The following GRIN2B variants were observed in gnomAD, a reference collection of about 807,000 sequenced individuals.
GRIN2B encodes glutamate ionotropic receptor NMDA type subunit 2B, also known as glutamate receptor ionotropic, NMDA 2B.
A neutral mutation model predicts 114.5 loss-of-function variants in GRIN2B; 5 were observed. The ratio of observed to expected loss-of-function variants is 0.04; its 90% CI spans 0.02 to 0.09. The LOEUF (loss-of-function observed/expected upper bound fraction) is 0.09. Among genes scored for constraint, GRIN2B ranks in the 10% least tolerant of loss-of-function variants. The probability of loss-of-function intolerance (pLI) is 1.00; values close to 1 mark genes in which losing one functional copy is unlikely to be tolerated. For missense variants in GRIN2B, 1,108 were observed against 1,943.5 expected (o/e 0.57, Z 8.08); for synonymous variants, 787 against 745.1 (o/e 1.06, Z -0.92).
intron 5 of GRIN2B, among the ~76,000 whole-genome samples, chr12:13,630,182 T>C (rs2136496269): frequency 6.6e-6 from 1 of 152,358 alleles, no homozygotes; most frequent in African/African-American, 2.4e-5. Flanking sequence ...AAGGGGAACC[T>C]GCTCCTGGCA....
chr12:13,709,727 G>A (rs761266751), intron 4 of GRIN2B, among the ~76,000 whole-genome samples: 2 of 151,932 alleles, frequency 1.3e-5, no homozygotes, highest in East Asian at 1.9e-4. Context: ...ACGAAGTCCC[G>A]GCAGGTATTA....
chr12:13,720,106 T>G (rs1037013974), intron 4 of GRIN2B, among the ~76,000 whole-genome samples: 1 of 151,904 alleles, frequency 6.6e-6, no homozygotes, highest in Non-Finnish European at 1.5e-5. Context: ...CCTGGGCTAA[T>G]GGAGATGTAG....
At chr12:13,570,421 G>C (rs1948691196) in intron 11 of GRIN2B, among the ~76,000 whole-genome samples, 1 of 152,196 alleles carries the variant, frequency 6.6e-6, no homozygotes, top group Non-Finnish European at 1.5e-5. Flanking sequence ...TTACAGTCTG[G>C]AGTGGGGATA....
intron 3 of GRIN2B, among the ~76,000 whole-genome samples, chr12:13,837,334 G>C (rs1865289521): frequency 1.3e-5 from 2 of 152,096 alleles, no homozygotes; most frequent in South Asian, 4.1e-4. Flanking sequence ...GCATGTCCTG[G>C]CCCAAACCAC....
At chr12:13,906,745 T>A (rs117066523) in intron 2 of GRIN2B, among the ~76,000 whole-genome samples, 2,106 of 152,348 alleles carry the variant, frequency 0.014, 25 homozygotes, top group Middle Eastern at 0.034. Flanking sequence ...GCAATGTCAT[T>A]GTCAAAATGT....
intron 3 of GRIN2B, among the ~76,000 whole-genome samples, chr12:13,799,188 G>T (rs753687006): frequency 1.3e-5 from 2 of 152,130 alleles, no homozygotes; most frequent in Non-Finnish European, 2.9e-5. Flanking sequence ...TGCTCCTTAA[G>T]AATCATGGCC....
chr12:13,561,303 C>G lies in GRIN2B; in HGVS notation c.*1480G>C, dbSNP rs1948539940. 6.6e-6 allele frequency: 1 copy of G among 152,124 alleles called. No homozygotes were observed. Among genetic ancestry groups the G allele is most frequent in the African/African-American group, 2.4e-5 (1 of 41,412 alleles). The allele number at this position is 152,124 out of a possible 1,614,324, so 9.4% of individuals were successfully genotyped here. On this transcript the variant is annotated 3_prime_UTR_variant, in exon 14 of 14. Transcript: ENST00000609686. Reference sequence around the variant, plus strand: ...TCACTCTGGGCTCAAGTCACATTCCCAGGGAGCCAGGCCCAAAGAGGTGGT... The same window carrying G: ...TCACTCTGGGCTCAAGTCACATTCCGAGGGAGCCAGGCCCAAAGAGGTGGT...
intron 4 of GRIN2B, among the ~76,000 whole-genome samples, chr12:13,693,735 T>C (rs1000866134): frequency 6.6e-6 from 1 of 152,156 alleles, no homozygotes; most frequent in African/African-American, 2.4e-5. Context: ...AGAGGAAGCA[T>C]ACATCCCTCC....
intron 3 of GRIN2B, among the ~76,000 whole-genome samples, chr12:13,844,152 GCT>G (rs1865430678): frequency 1.3e-5 from 2 of 152,208 alleles, no homozygotes; most frequent in Admixed American, 6.5e-5. Flanking sequence ...TTTAATAGTG[GCT>G]CTTTTTCTTC....
In GRIN2B at chr12:13,876,673, A is replaced by G. The variant is rs150329141; in HGVS notation, c.-18-10447T>C. On this transcript the variant is annotated intron_variant, in intron 2 of 13. Coordinates refer to ENST00000609686, the MANE Select transcript of GRIN2B (RefSeq NM_000834.5). Reference sequence around the variant, plus strand: ...ACTGACATCAGAATAGTCACACGTCAGATTTGGAATCAATATCTTCAATCA... The same window carrying G: ...ACTGACATCAGAATAGTCACACGTCGGATTTGGAATCAATATCTTCAATCA... 1.1e-4 allele frequency among the ~76,000 whole-genome samples: 17 copies of G among 152,348 alleles called. No individual in the cohort carries two copies. The East Asian group carries it at 3.3e-3, about 29-fold the overall frequency.
intron 4 of GRIN2B, among the ~76,000 whole-genome samples, chr12:13,682,037 G>A (rs1266071558): frequency 1.3e-5 from 2 of 152,098 alleles, no homozygotes; most frequent in Non-Finnish European, 2.9e-5. Context: ...TTACAGACTG[G>A]TATTGGAGAA....
chr12:13,969,318 C>T (rs534923826), intron 2 of GRIN2B, among the ~76,000 whole-genome samples: 2 of 152,266 alleles, frequency 1.3e-5, no homozygotes, highest in East Asian at 3.9e-4. Context: ...AAACCTTTAT[C>T]TTTTTTAACA....
chr12:13,883,591 A>G (rs1866101521), intron 2 of GRIN2B, among the ~76,000 whole-genome samples: 1 of 152,036 alleles, frequency 6.6e-6, no homozygotes, highest in African/African-American at 2.4e-5. Flanking sequence ...TTACCATCTT[A>G]TCTCTTCTTT....
intron 10 of GRIN2B, among the ~76,000 whole-genome samples, chr12:13,581,527 C>T (rs895461217): frequency 6.6e-6 from 1 of 152,210 alleles, no homozygotes. Flanking sequence ...AAGGAGTAGA[C>T]TTTCTGAGAG....
intron 5 of GRIN2B, among the ~76,000 whole-genome samples, chr12:13,658,132 G>A (rs533826983): frequency 2.6e-5 from 4 of 151,976 alleles, no homozygotes; most frequent in South Asian, 2.1e-4. Flanking sequence ...ACTTGAACCC[G>A]GGAGGCTGAG....
At chr12:13,760,893 C>T (rs1863666194) in intron 3 of GRIN2B, among the ~76,000 whole-genome samples, 1 of 152,180 alleles carries the variant, frequency 6.6e-6, no homozygotes, top group Admixed American at 6.5e-5. Flanking sequence ...GATACCACAC[C>T]ATCATTTTTT....
chr12:13,691,292 A>T (rs893236006), intron 4 of GRIN2B, among the ~76,000 whole-genome samples: 2 of 152,188 alleles, frequency 1.3e-5, no homozygotes, highest in African/African-American at 4.8e-5. Flanking sequence ...GCCTGAAGTG[A>T]ATATTTCATG....
At chr12:13,735,469 A>G (rs776132792) in intron 4 of GRIN2B, among the ~76,000 whole-genome samples, 1 of 152,210 alleles carries the variant, frequency 6.6e-6, no homozygotes, top group Non-Finnish European at 1.5e-5. Flanking sequence ...AGAAATTTTA[A>G]GCATATACTC....
chr12:13,947,367 T>A (rs936387457), intron 2 of GRIN2B, among the ~76,000 whole-genome samples: 5 of 152,192 alleles, frequency 3.3e-5, no homozygotes, highest in African/African-American at 1.2e-4. Context: ...TGTTGCTTTC[T>A]TCTCCTCATT....
Sources: gnomAD v4.1 joint callset for allele counts (sites outside exome capture counted in the v4.1 genomes callset) on GRCh38, gnomAD v4.1.1 for gene constraint, MANE v1.5 for transcripts, NCBI Gene and HGNC (gene_info 2026-07-23, HGNC 2026-07-21) for gene names.